CKLF: variants seen among roughly 807,000 people sequenced by gnomAD.
CKLF encodes the protein chemokine like factor.
In CKLF, 16 loss-of-function variants were observed where a neutral mutation model predicts 12.9. The observed-to-expected ratio is 1.24, with a 90% CI of 0.84 to 1.88. The LOEUF (loss-of-function observed/expected upper bound fraction) is 1.88. Among genes scored for constraint, CKLF ranks in the 40% most tolerant of loss-of-function variants. The probability of loss-of-function intolerance (pLI) is 0.00; values close to 1 mark genes in which losing one functional copy is unlikely to be tolerated. For synonymous variants in CKLF, 61 were observed against 69.0 expected, an observed-to-expected ratio of 0.88 and a Z score of 0.57; for missense variants, 172 against 188.5, an observed-to-expected ratio of 0.91 and a Z score of 0.51.
At chr16:66,559,397 C>T (rs1347125572) in intron 2 of CKLF, among the ~76,000 whole-genome samples, 4 of 152,206 alleles carry the variant, frequency 2.6e-5, no homozygotes, top group Non-Finnish European at 5.9e-5. Flanking sequence ...CTCAAAACTA[C>T]TTGATGTACA....
chr16:66,557,254 G>A (rs558581284), intron 1 of CKLF, among the ~76,000 whole-genome samples: 2 of 152,060 alleles, frequency 1.3e-5, no homozygotes, highest in African/African-American at 2.4e-5. Context: ...TGCAACCCCC[G>A]CATCCTGGGT....
rs2011524629 is a variant in CKLF, at chr16:66,558,223, A to G, written c.112A>G (p.Ile38Val). 6.2e-7 allele frequency: 1 copy of G among 1,612,232 alleles called. No homozygotes were observed. Among genetic ancestry groups the G allele is most frequent in the Non-Finnish European group, 8.5e-7 (1 of 1,179,638 alleles). The change falls in exon 2 of 4, where the codon ATC becomes GTC. Residue 38 changes from isoleucine to valine, a missense_variant. Coordinates refer to ENST00000264001, the MANE Select transcript of CKLF (RefSeq NM_016951.4). ...TGTGACATCTATGACCTTTTTTATC[A>G]TCGCACAAGCCCCTGAACCATATAT... ...LTVTSMTFFIIAQAPEPYIVI... is the reference protein window; with the variant it reads ...LTVTSMTFFIVAQAPEPYIVI...
intron 2 of CKLF, among the ~76,000 whole-genome samples, chr16:66,561,201 A>G (rs1208333300): frequency 6.6e-6 from 1 of 151,990 alleles, no homozygotes; most frequent in Non-Finnish European, 1.5e-5. Context: ...ATCTCCATTC[A>G]AATTGTCCCA....
chr16:66,561,479 C>CT (rs202221119), intron 2 of CKLF, among the ~76,000 whole-genome samples: 3 of 151,706 alleles, frequency 2.0e-5, no homozygotes, highest in East Asian at 1.9e-4. Context: ...GCAGGCATAT[C>CT]TTTTTTTTTC....
rs1363966821 is a variant in CKLF at position 66,558,173 on chromosome 16, G to A, written c.79-17G>A. Reference sequence around the variant, plus strand: ...ATTCAGTTGTCACTGAATAAATCGTGGGTTTTTTTCTTCTAGGCACTAACT... The same window carrying A: ...ATTCAGTTGTCACTGAATAAATCGTAGGTTTTTTTCTTCTAGGCACTAACT... On this transcript the variant is annotated splice_polypyrimidine_tract_variant and intron_variant, in intron 1 of 3. Transcript: ENST00000264001. 6.2e-7 allele frequency: 1 copy of A among 1,602,898 alleles called. No individual in the cohort carries two copies. The highest frequency in any genetic ancestry group is 8.5e-7 in the Non-Finnish European group (1 of 1,177,690).
downstream of CKLF, chr16:66,566,243 A>G (rs1031227969): frequency 1.4e-6 from 2 of 1,469,848 alleles, no homozygotes; most frequent in African/African-American, 2.9e-5. This position sits in a 1 kb window ranked among gnomAD's most constrained non-coding sequence, Gnocchi z 4.9. Context: ...GATCCGCCTC[A>G]GGGATCTTTG....
Position 66,565,886 on chromosome 16 carries a change from G to A in CKLF, c.334G>A (p.Val112Met). Residue 112 changes from valine to methionine, a missense_variant and splice_region_variant, in exon 4 of 4, where the codon GTG (valine) becomes ATG (methionine). Coordinates refer to ENST00000264001, the MANE Select transcript of CKLF (RefSeq NM_016951.4). Reference protein sequence around the residue: ...ETTTLTVGGGVFALVTAVCCL... With the variant: ...ETTTLTVGGGMFALVTAVCCL... Reference sequence around the variant, plus strand: ...CAGTGACACTTGTCTTTCTTTCCAGGTGTTTGCACTTGTGACAGCAGTATG... The same window carrying A: ...CAGTGACACTTGTCTTTCTTTCCAGATGTTTGCACTTGTGACAGCAGTATG... 6.2e-7 allele frequency: 1 copy of A among 1,613,876 alleles called. No homozygotes were observed. The highest frequency in any genetic ancestry group is 8.5e-7 in the Non-Finnish European group (1 of 1,179,948).
intron 1 of CKLF, among the ~76,000 whole-genome samples, chr16:66,556,337 C>A (rs977302775): frequency 4.6e-5 from 7 of 152,072 alleles, no homozygotes; most frequent in Admixed American, 4.6e-4. Context: ...AAAAAGCATT[C>A]ATTAAATTTA....
At chr16:66,562,066 T>C (rs1464037589) in intron 2 of CKLF, among the ~76,000 whole-genome samples, 1 of 151,588 alleles carries the variant, frequency 6.6e-6, no homozygotes, top group Non-Finnish European at 1.5e-5. Context: ...CTTAAGTGTG[T>C]GCTATTTTAA....
At chr16:66,558,476 T>A in intron 2 of CKLF, 128 bp downstream of exon 2, 2 of 1,319,578 alleles carry the variant, frequency 1.5e-6, no homozygotes, top group Non-Finnish European at 2.0e-6. Context: ...GGAGGAGCTC[T>A]ACCCATTGCT....
chr16:66,564,391 CTT>C (rs1024563654), intron 3 of CKLF, among the ~76,000 whole-genome samples: 12 of 152,016 alleles, frequency 7.9e-5, no homozygotes, highest in Non-Finnish European at 1.5e-4. Context: ...TTGTTAATAA[CTT>C]TGTTGATTAC....
chr16:66,561,727 C>T (rs1045952071), intron 2 of CKLF, among the ~76,000 whole-genome samples: 4 of 152,170 alleles, frequency 2.6e-5, no homozygotes, highest in Non-Finnish European at 5.9e-5. Context: ...TGCCCTACCC[C>T]CATTGAACCT....
At chr16:66,555,157 A>G (rs936635514) in intron 1 of CKLF, among the ~76,000 whole-genome samples, 4 of 152,182 alleles carry the variant, frequency 2.6e-5, no homozygotes, top group East Asian at 1.9e-4. Context: ...GAATCACTGG[A>G]ACCGGAGAGA....
intron 2 of CKLF, among the ~76,000 whole-genome samples, chr16:66,558,733 C>T (rs1317265667): frequency 6.6e-6 from 1 of 152,198 alleles, no homozygotes; most frequent in Admixed American, 6.5e-5. Flanking sequence ...GAGACAGATA[C>T]ACAAGTATCT....
chr16:66,559,174 C>T (rs2011572978), intron 2 of CKLF, among the ~76,000 whole-genome samples: 1 of 152,178 alleles, frequency 6.6e-6, no homozygotes, highest in African/African-American at 2.4e-5. Flanking sequence ...GTGGTCTCAT[C>T]CTCTTGGATG....
chr16:66,555,512 A>C (rs1270651366), intron 1 of CKLF, among the ~76,000 whole-genome samples: 1 of 152,224 alleles, frequency 6.6e-6, no homozygotes, highest in Non-Finnish European at 1.5e-5. Context: ...TTTTGGTCTA[A>C]GCAACTGGAA....
chr16:66,560,292 T>C (rs563705057), intron 2 of CKLF, among the ~76,000 whole-genome samples: 3 of 152,262 alleles, frequency 2.0e-5, no homozygotes, highest in African/African-American at 7.2e-5. Flanking sequence ...GTGAGGTTTG[T>C]GAAAACAGGG....
chr16:66,563,170 G>C lies in CKLF; in HGVS notation c.286G>C (p.Val96Leu), dbSNP rs936974405. The stretch of plus-strand genomic sequence containing the variant: ...AACAGTATTCATGCTCATCGTATCT[G>C]TGTTGGCACTGATACCAGAAACCAC... ...VTTVFMLIVS[V>L]LALIPETTTL... is the part of the protein sequence containing the mutation. The change falls in exon 3 of 4, where the codon GTG becomes CTG. Residue 96 changes from valine to leucine, a missense_variant. Transcript: ENST00000264001. 1.2e-6 allele frequency: 2 copies of C among 1,614,128 alleles called. No homozygotes were observed. The highest frequency in any genetic ancestry group is 1.7e-5 in the Admixed American group (1 of 60,006).
intron 1 of CKLF, among the ~76,000 whole-genome samples, chr16:66,553,825 C>T (rs924995674): frequency 6.6e-6 from 1 of 152,172 alleles, no homozygotes; most frequent in Non-Finnish European, 1.5e-5. Context: ...ATAAAGGAGA[C>T]TCAAACTTAA....
Sources: gnomAD v4.1 joint callset for allele counts (sites outside exome capture counted in the v4.1 genomes callset) on GRCh38, gnomAD v4.1.1 for gene constraint, Gnocchi (gnomAD v3.1) non-coding constraint, MANE v1.5 for transcripts, NCBI Gene and HGNC (gene_info 2026-07-23, HGNC 2026-07-21) for gene names.